The following SORCS2 variants were observed in gnomAD, a reference collection of about 807,000 sequenced individuals.
The protein encoded by SORCS2 is sortilin related VPS10 domain containing receptor 2.
A neutral mutation model predicts 141.6 loss-of-function variants in SORCS2; 100 were observed. The ratio of observed to expected loss-of-function variants is 0.71; its 90% confidence interval spans 0.60 to 0.83. The LOEUF (loss-of-function observed/expected upper bound fraction) is 0.83, where lower values mean the gene tolerates loss of function less well. Among genes scored for constraint, SORCS2 ranks in the 40% least tolerant of loss-of-function variants. The pLI is 0.00. For synonymous variants in SORCS2, 789 were observed against 676.9 expected (o/e 1.17, Z -2.57); for missense variants, 1,646 against 1,560.2 (o/e 1.05, Z -0.93).
intron 3 of SORCS2, among the ~76,000 whole-genome samples, chr4:7,581,681 G>T (rs949612456): frequency 6.6e-6 from 1 of 152,162 alleles, no homozygotes; most frequent in Non-Finnish European, 1.5e-5. Context: ...TGTCCGTGGT[G>T]CTGACCTAGC....
rs535308221 is a variant in SORCS2, at chr4:7,331,117, G to A, written c.481-65171G>A. On this transcript the variant is annotated intron_variant, in intron 1 of 26. Transcript: ENST00000507866. ...GAGGGCTAGGGGCGGCGAGAGGCTG[G>A]GGGTGGGGACAGGGTGGAGGAACTG... 1.4e-3 allele frequency among the ~76,000 whole-genome samples: 216 copies of A among 152,310 alleles called. 1 individual carries two copies. Among genetic ancestry groups the A allele is most frequent in the African/African-American group, 4.8e-3 (200 of 41,578 alleles).
At chr4:7,238,295 G>GC (rs1304756242) in intron 1 of SORCS2, among the ~76,000 whole-genome samples, 1 of 152,118 alleles carries the variant, frequency 6.6e-6, no homozygotes, top group African/African-American at 2.4e-5. Context: ...GAGTCTGGGG[G>GC]GGGTTGCTGG....
At position 7,535,359 on chromosome 4, in the gene SORCS2, C is replaced by T. The variant is rs907686447; in HGVS notation, c.648+3730C>T. 2.6e-5 allele frequency among the ~76,000 whole-genome samples: 4 copies of T among 152,214 alleles called. No homozygotes were observed. The East Asian group carries it at 5.8e-4, about 22-fold the overall frequency. On this transcript the variant is annotated intron_variant, in intron 3 of 26. Transcript: ENST00000507866. ...CAGGAGTGCAGCGGATGTGGGGCAC[C>T]GGGGAGCGGCAGGGGAATGGGATGA... is the stretch of plus-strand genomic sequence containing the variant.
intron 3 of SORCS2, among the ~76,000 whole-genome samples, chr4:7,541,573 G>A (rs1712663123): frequency 6.6e-6 from 1 of 152,222 alleles, no homozygotes; most frequent in Non-Finnish European, 1.5e-5. Flanking sequence ...GCTGTGGCCA[G>A]GGCCTTGCTC....
intron 1 of SORCS2, among the ~76,000 whole-genome samples, chr4:7,276,331 G>A (rs11940847): frequency 0.098 from 14,880 of 152,154 alleles, 1,094 homozygotes; most frequent in Admixed American, 0.24. Flanking sequence ...CCTGGAGTGC[G>A]GGAGGCCTGG....
At chr4:7,699,521 T>C (rs1282280061) in intron 12 of SORCS2, among the ~76,000 whole-genome samples, 1 of 152,078 alleles carries the variant, frequency 6.6e-6, no homozygotes, top group South Asian at 2.1e-4. Context: ...TCCAGGACTG[T>C]TGGGCTCTGG....
chr4:7,615,660 G>C (rs1029471075), intron 3 of SORCS2, among the ~76,000 whole-genome samples: 21 of 152,204 alleles, frequency 1.4e-4, no homozygotes, highest in African/African-American at 4.1e-4. Context: ...TTCCCCAACT[G>C]TTCTTCATCC....
At chr4:7,314,337 T>A (rs1718410531) in intron 1 of SORCS2, among the ~76,000 whole-genome samples, 1 of 61,338 alleles carries the variant, frequency 1.6e-5, no homozygotes, top group African/African-American at 6.0e-5. Flanking sequence ...TTTTTATTTT[T>A]TTTATTTTTT....
chr4:7,372,045 G>A (rs1722286675), intron 1 of SORCS2, among the ~76,000 whole-genome samples: 2 of 152,258 alleles, frequency 1.3e-5, no homozygotes, highest in African/African-American at 4.8e-5. Context: ...GTGTGGACAG[G>A]GTGAACAAGT....
intron 1 of SORCS2, among the ~76,000 whole-genome samples, chr4:7,219,868 G>A (rs116637442): frequency 0.019 from 2,919 of 152,334 alleles, 37 homozygotes; most frequent in Middle Eastern, 0.041. Context: ...GACCTTGCCC[G>A]CAGCAGCCGC....
chr4:7,273,688 C>T (rs1056279444), intron 1 of SORCS2, among the ~76,000 whole-genome samples: 1 of 152,234 alleles, frequency 6.6e-6, no homozygotes, highest in Non-Finnish European at 1.5e-5. Context: ...CAGGAGACAG[C>T]ATCCTGAAGA....
chr4:7,221,232 C>G (rs1728685950), intron 1 of SORCS2, among the ~76,000 whole-genome samples: 1 of 152,154 alleles, frequency 6.6e-6, no homozygotes, highest in Non-Finnish European at 1.5e-5. Context: ...GAGTTATTCG[C>G]AGACTTTGGT....
chr4:7,337,128 G>A, intron 1 of SORCS2, among the ~76,000 whole-genome samples: 1 of 152,202 alleles, frequency 6.6e-6, no homozygotes, highest in East Asian at 1.9e-4. Flanking sequence ...GCCTCACCGA[G>A]GGCAGATGTT....
chr4:7,427,108 T>A (rs571253560), intron 2 of SORCS2, among the ~76,000 whole-genome samples: 1 of 152,080 alleles, frequency 6.6e-6, no homozygotes, highest in East Asian at 1.9e-4. Flanking sequence ...ATCTGGAGAG[T>A]TTGAGAGGTG....
intron 2 of SORCS2, among the ~76,000 whole-genome samples, chr4:7,449,375 C>T (rs1392027183): frequency 9.5e-6 from 1 of 105,484 alleles, no homozygotes; most frequent in Non-Finnish European, 1.9e-5. Context: ...TTTCTCTCCC[C>T]TCCCTCCCTC....
At chr4:7,556,034 G>A (rs1224545177) in intron 3 of SORCS2, among the ~76,000 whole-genome samples, 2 of 152,238 alleles carry the variant, frequency 1.3e-5, no homozygotes, top group African/African-American at 4.8e-5. Flanking sequence ...GATGCTCATT[G>A]ACTCCTGGGA....
intron 1 of SORCS2, among the ~76,000 whole-genome samples, chr4:7,227,308 TGCTTATCA>T (rs1169097875): frequency 6.6e-6 from 1 of 152,194 alleles, no homozygotes; most frequent in Non-Finnish European, 1.5e-5. Flanking sequence ...CTCGCATCTG[TGCTTATCA>T]CCGCTGGCCC....
At chr4:7,708,170 C>A (rs569833732) in intron 14 of SORCS2, among the ~76,000 whole-genome samples, 1 of 152,214 alleles carries the variant, frequency 6.6e-6, no homozygotes, top group Non-Finnish European at 1.5e-5. Flanking sequence ...AATGAGCCCT[C>A]AACTGATGCT....
In SORCS2 at chr4:7,272,672, C is replaced by T. The variant is rs148290099; in HGVS notation, c.480+79546C>T. On this transcript the variant is annotated intron_variant, in intron 1 of 26. Transcript: ENST00000507866. The stretch of plus-strand genomic sequence containing the variant: ...GCAGGGGAGTGGGGCACCCCACCAG[C>T]GTGAGATGGGGCTTGGGAATTTCCA... Among the ~76,000 whole-genome samples, 26 of 152,314 alleles carry T rather than the reference C, an allele frequency of 1.7e-4. No homozygotes were observed. The East Asian group carries it at 4.2e-3, about 25-fold the overall frequency.
Sources: allele counts gnomAD v4.1 joint callset (sites outside exome capture counted in the v4.1 genomes callset), GRCh38; gene constraint gnomAD v4.1.1; transcripts MANE v1.5; gene names NCBI Gene and HGNC (gene_info 2026-07-23, HGNC 2026-07-21).